Variants in RAB10 observed in about 807,000 individuals in gnomAD.
RAB10 encodes the protein RAB10, member RAS oncogene family, also known as ras-related protein Rab-10.
RAB10 carries 5 observed loss-of-function variants against 25.7 expected under a neutral mutation model. The ratio of observed to expected loss-of-function variants is 0.19; its 90% CI spans 0.10 to 0.41. RAB10 has a LOEUF of 0.41. RAB10 is among the 10% of genes least tolerant of loss of function. RAB10 has a pLI of 1.00. For synonymous variants in RAB10, 89 were observed against 86.4 expected (o/e 1.03, Z -0.16); for missense variants, 103 against 245.8 (o/e 0.42, Z 3.89).
At chr2:26,083,604 C>T (rs2384323) in intron 1 of RAB10, among the ~76,000 whole-genome samples, 115,767 of 151,926 alleles carry the variant, frequency 0.76, 44,209 homozygotes, top group East Asian at 0.87. Context: ...GCCGGGATTA[C>T]AAGTGTGTGC....
intron 1 of RAB10, among the ~76,000 whole-genome samples, chr2:26,057,742 C>T (rs140434678): frequency 1.3e-4 from 20 of 152,116 alleles, no homozygotes; most frequent in South Asian, 4.2e-4. Context: ...CTCACCTCTG[C>T]GTCCCCAGTA....
rs1667924266 is a variant in RAB10, at chr2:26,127,207, G to A, written c.391G>A (p.Val131Ile). Residue 131 changes from valine to isoleucine, a missense_variant, in exon 4 of 6, where the codon GTT becomes ATT. Coordinates refer to ENST00000264710, the MANE Select transcript of RAB10 (RefSeq NM_016131.5). Reference protein sequence around the residue: ...GNKCDMDDKRVVPKGKGEQIA... With the variant: ...GNKCDMDDKRIVPKGKGEQIA... The stretch of plus-strand genomic sequence containing the variant: ...CAAGTGTGATATGGACGACAAAAGA[G>A]TTGTACCTAAAGGAAAAGGAGAACA... The A allele has an allele frequency of 1.2e-6, 2 of 1,602,298 alleles. No homozygotes were observed. The highest frequency in any genetic ancestry group is 1.7e-6 in the Non-Finnish European group (2 of 1,175,880).
intron 5 of RAB10, among the ~76,000 whole-genome samples, chr2:26,132,559 C>G (rs1182320315): frequency 6.6e-6 from 1 of 152,150 alleles, no homozygotes; most frequent in Non-Finnish European, 1.5e-5. Flanking sequence ...GACCTGAAAA[C>G]ATATGTTTAA....
At chr2:26,071,440 C>A (rs960464164) in intron 1 of RAB10, among the ~76,000 whole-genome samples, 1 of 152,212 alleles carries the variant, frequency 6.6e-6, no homozygotes, top group Admixed American at 6.5e-5. Context: ...GTAATCCCAA[C>A]ACTTTGGGAG....
intron 3 of RAB10, among the ~76,000 whole-genome samples, chr2:26,112,078 T>C (rs1036738833): frequency 3.9e-5 from 6 of 152,214 alleles, no homozygotes; most frequent in African/African-American, 1.4e-4. Context: ...GAGAGGCATA[T>C]GTGGGGAGTA....
At chr2:26,071,415 C>T (rs980779528) in intron 1 of RAB10, among the ~76,000 whole-genome samples, 5 of 152,150 alleles carry the variant, frequency 3.3e-5, no homozygotes, top group Non-Finnish European at 4.4e-5. Flanking sequence ...TGGCCAGGCG[C>T]GGTGGCCCAC....
chr2:26,047,531 C>T (rs1230271927), intron 1 of RAB10, among the ~76,000 whole-genome samples: 2 of 151,408 alleles, frequency 1.3e-5, no homozygotes, highest in Non-Finnish European at 2.9e-5. Flanking sequence ...TTCTCCTCGC[C>T]TCAGCCTCCT....
At chr2:26,082,801 C>T (rs926936611) in intron 1 of RAB10, among the ~76,000 whole-genome samples, 1 of 151,858 alleles carries the variant, frequency 6.6e-6, no homozygotes, top group Admixed American at 6.6e-5. Flanking sequence ...ATGACCTATC[C>T]CTAATGAACA....
At chr2:26,113,636 A>T (rs1667624939) in intron 3 of RAB10, among the ~76,000 whole-genome samples, 1 of 151,932 alleles carries the variant, frequency 6.6e-6, no homozygotes, top group Admixed American at 6.6e-5. Flanking sequence ...TGACATCTAT[A>T]AAAATACCAC....
chr2:26,066,830 T>A (rs1300899661), intron 1 of RAB10, among the ~76,000 whole-genome samples: 2 of 142,756 alleles, frequency 1.4e-5, no homozygotes, highest in Non-Finnish European at 3.0e-5. Flanking sequence ...TCACCCAGGC[T>A]GAAGTGCGGT....
At position 26,082,565 on chromosome 2, in the gene RAB10, C is replaced by T. The variant is rs886242583; in HGVS notation, c.128-16097C>T. ...TATAGTTGGATATTTTAACAGTCCT[C>T]TCTTAGTAATTGATAGAATAAGTAG... On this transcript the variant is annotated intron_variant, in intron 1 of 5. Transcript: ENST00000264710. Among the ~76,000 whole-genome samples the T allele has an allele frequency of 1.2e-3, 181 of 152,046 alleles. 1 individual carries two copies. The highest frequency in any genetic ancestry group is 1.5e-4 in the Non-Finnish European group (10 of 67,958).
At chr2:26,054,253 C>A (rs183636933) in intron 1 of RAB10, among the ~76,000 whole-genome samples, 1,979 of 152,020 alleles carry the variant, frequency 0.013, 30 homozygotes, top group South Asian at 0.039. Flanking sequence ...AGGGTTTCAC[C>A]ATGTTGACCA....
At chr2:26,111,598 C>A (rs1198900500) in intron 3 of RAB10, among the ~76,000 whole-genome samples, 2 of 102,160 alleles carry the variant, frequency 2.0e-5, no homozygotes, top group Non-Finnish European at 4.1e-5. Flanking sequence ...AAGAGCGAAA[C>A]TCCATCTCAA....
In RAB10 at chr2:26,109,780, C is replaced by T. The variant is rs764062323; in HGVS notation, c.201C>T (p.Gly67=). The T allele has an allele frequency of 1.3e-6, 2 of 1,598,132 alleles. No individual in the cohort carries two copies. The highest frequency in any genetic ancestry group is 1.7e-6 in the Non-Finnish European group (2 of 1,173,518). ...CTGTTTATTTCAGGGATACAGCAGG[C>T]CAGGAGCGATTTCACACCATCACAA... ...KIKLQIWDTA[G]QERFHTITTS... Residue 67 remains glycine, a synonymous_variant, in exon 3 of 6, where the codon GGC becomes GGT. Coordinates refer to ENST00000264710, the MANE Select transcript of RAB10 (RefSeq NM_016131.5).
intron 5 of RAB10, among the ~76,000 whole-genome samples, chr2:26,128,427 C>T (rs1667946060): frequency 2.6e-5 from 4 of 152,088 alleles, no homozygotes. Flanking sequence ...ACTGGGGAAA[C>T]AGAAAGCCAT....
intron 1 of RAB10, among the ~76,000 whole-genome samples, chr2:26,038,772 A>G (rs1312688850): frequency 6.6e-6 from 1 of 151,370 alleles, no homozygotes; most frequent in Non-Finnish European, 1.5e-5. Flanking sequence ...AATACAAAAA[A>G]TTAGCTGTCC....
chr2:26,093,607 C>T (rs150801317), intron 1 of RAB10, among the ~76,000 whole-genome samples: 1 of 152,062 alleles, frequency 6.6e-6, no homozygotes, highest in Non-Finnish European at 1.5e-5. Flanking sequence ...AACTGAATCT[C>T]GAAAGATAAA....
At chr2:26,127,386 A>AT in intron 4 of RAB10, 153 bp downstream of exon 4, 13 of 630,984 alleles carry the variant, frequency 2.1e-5, no homozygotes, top group East Asian at 3.2e-5. Context: ...ATTTGAGTGA[A>AT]TTTTTTTTCA....
At chr2:26,055,398 T>G (rs1666238192) in intron 1 of RAB10, among the ~76,000 whole-genome samples, 1 of 151,810 alleles carries the variant, frequency 6.6e-6, no homozygotes, top group East Asian at 1.9e-4. Context: ...CTAATTTTTT[T>G]TTTTTTTTTT....
Sources: gnomAD v4.1 joint callset for allele counts (sites outside exome capture counted in the v4.1 genomes callset) on GRCh38, gnomAD v4.1.1 for gene constraint, MANE v1.5 for transcripts, NCBI Gene and HGNC (gene_info 2026-07-23, HGNC 2026-07-21) for gene names.